ITPK1: variants seen among roughly 807,000 people sequenced by gnomAD.
ITPK1 encodes inositol 1,3,4-trisphosphate 5/6-kinase.
Under a neutral mutation model 45.3 loss-of-function variants are expected in ITPK1, and 21 were observed. The ratio of observed to expected loss-of-function variants is 0.46; its 90% CI spans 0.33 to 0.67. The LOEUF is 0.67. Ranked by LOEUF, ITPK1 falls within the 30% of genes least tolerant of loss-of-function variation. ITPK1 has a pLI of 0.02. For missense variants in ITPK1, 474 were observed against 573.5 expected (o/e 0.83, Z 1.77); for synonymous variants, 258 against 253.6 (o/e 1.02, Z -0.16).
chr14:93,106,719 G>A (rs554447090), intron 2 of ITPK1, among the ~76,000 whole-genome samples: 1 of 152,288 alleles, frequency 6.6e-6, no homozygotes, highest in South Asian at 2.1e-4. Flanking sequence ...TTCACCTCCT[G>A]CAGGTGTACA....
intron 2 of ITPK1, among the ~76,000 whole-genome samples, chr14:93,113,019 A>G (rs1203250196): frequency 1.3e-5 from 2 of 152,096 alleles, no homozygotes; most frequent in African/African-American, 4.8e-5. Context: ...AAAGTAATAA[A>G]TAAGAAACGG....
intron 3 of ITPK1, among the ~76,000 whole-genome samples, chr14:93,065,217 C>T (rs1309921883): frequency 6.6e-6 from 1 of 152,242 alleles, no homozygotes; most frequent in East Asian, 1.9e-4. Context: ...CCAAACCAAA[C>T]AGACATAACT....
At position 93,093,388 on chromosome 14, in the gene ITPK1, G is replaced by T. The variant is rs145717131; in HGVS notation, c.96-16769C>A. 1.5e-3 allele frequency among the ~76,000 whole-genome samples: 221 copies of T among 152,280 alleles called. 5 individuals carry two copies. In the East Asian group the frequency reaches 0.04, roughly 28 times the overall value. On this transcript the variant is annotated intron_variant, in intron 2 of 10. Transcript: ENST00000267615. ...GTCCTCAAGCCGCCCCTGGCGTGGG[G>T]TGATGTAGCCCTCCTCCCAGTCAGA...
rs1237870660 is a variant in ITPK1 at position 92,962,673 on chromosome 14, C to T, written c.463+78G>A. ...CGGGTGAGCTTAAATCCAGAGGGCACTATAAACCCAGCCCCTCCCCTATGC... is the reference window on the plus strand; with the variant it reads ...CGGGTGAGCTTAAATCCAGAGGGCATTATAAACCCAGCCCCTCCCCTATGC... On this transcript the variant is annotated intron_variant, in intron 6 of 10. Transcript: ENST00000267615. The T allele has an allele frequency of 7.1e-6, 8 of 1,132,982 alleles. No homozygotes were observed. In the East Asian group the frequency reaches 1.2e-4, roughly 17 times the overall value. The allele number at this position is 1,132,982 out of a possible 1,614,324, so 70.2% of individuals were successfully genotyped here.
intron 10 of ITPK1, among the ~76,000 whole-genome samples, chr14:92,943,232 C>T (rs956566101): frequency 3.3e-5 from 5 of 152,226 alleles, no homozygotes; most frequent in African/African-American, 1.2e-4. Flanking sequence ...TTAACCACCA[C>T]GGGGAGGGCA....
At chr14:93,079,718 C>G (rs1891365068) in intron 2 of ITPK1, among the ~76,000 whole-genome samples, 1 of 152,224 alleles carries the variant, frequency 6.6e-6, no homozygotes, top group African/African-American at 2.4e-5. Flanking sequence ...GCACCAACAA[C>G]CTCGATTCCC....
intron 3 of ITPK1, among the ~76,000 whole-genome samples, chr14:93,055,802 A>C (rs1035678793): frequency 2.0e-5 from 3 of 152,200 alleles, no homozygotes; most frequent in African/African-American, 7.2e-5. Flanking sequence ...CAGAGAGTAC[A>C]GGCTCTTGGA....
chr14:93,008,225 G>A (rs1043716409), intron 4 of ITPK1, among the ~76,000 whole-genome samples: 3 of 152,228 alleles, frequency 2.0e-5, no homozygotes, highest in Non-Finnish European at 4.4e-5. Context: ...AGGCCTCGGT[G>A]TGTTTCTTCC....
Position 93,032,281 on chromosome 14 carries a change from C to T in ITPK1, c.121-15480G>A, listed in dbSNP as rs1274824339. On this transcript the variant is annotated intron_variant, in intron 3 of 10. Transcript: ENST00000267615. The surrounding 1 kb of genome is among the most constrained non-coding windows in gnomAD (Gnocchi z 4.0). ...AGGAGAATCACTTGAACCCAGGAGG[C>T]GGAGGTTGCAGTGAGCCGAGATTAC... 6.6e-6 allele frequency among the ~76,000 whole-genome samples: 1 copy of T among 152,002 alleles called. No homozygotes were observed. Among genetic ancestry groups the T allele is most frequent in the Non-Finnish European group, 1.5e-5 (1 of 68,014 alleles).
In ITPK1 at chr14:93,034,278, C is replaced by A. The variant is rs1889213377; in HGVS notation, c.121-17477G>T. Among the ~76,000 whole-genome samples, 1 of 151,272 alleles carries A rather than the reference C, an allele frequency of 6.6e-6. No individual in the cohort carries two copies. The highest frequency in any genetic ancestry group is 2.4e-5 in the African/African-American group (1 of 41,124). ...ACCACCCACCCCCAACACTCCCCCA[C>A]CCCCTGTCGGAGCAGGAAGATGCTC... On this transcript the variant is annotated intron_variant, in intron 3 of 10. Transcript: ENST00000267615. This position sits in a 1 kb window ranked among gnomAD's most constrained non-coding sequence, Gnocchi z 4.1.
At chr14:93,066,291 CGT>C (rs1250204869) in intron 3 of ITPK1, 6 of 452,010 alleles carry the variant, frequency 1.3e-5, no homozygotes, top group Non-Finnish European at 2.2e-5. Flanking sequence ...GGTGTGCGTG[CGT>C]GTGTGCGCGT....
chr14:93,019,211 C>T (rs1432691170), intron 3 of ITPK1, among the ~76,000 whole-genome samples: 2 of 152,184 alleles, frequency 1.3e-5, no homozygotes, highest in African/African-American at 4.8e-5. Flanking sequence ...GCATCCGGGC[C>T]CACAGAACCC....
chr14:92,975,008 AGAGGGTAGGG>A (rs1885869469), intron 5 of ITPK1, among the ~76,000 whole-genome samples: 1 of 152,180 alleles, frequency 6.6e-6, no homozygotes, highest in African/African-American at 2.4e-5. Flanking sequence ...CACCATGAGG[AGAGGGTAGGG>A]AAGTGGCATC....
chr14:92,996,094 A>G (rs1039790204), intron 4 of ITPK1, among the ~76,000 whole-genome samples: 5 of 152,118 alleles, frequency 3.3e-5, no homozygotes, highest in African/African-American at 1.2e-4. Flanking sequence ...ACAGCCCAAC[A>G]TTAATAGCTG....
At chr14:92,959,051 C>T (rs564185627) in intron 7 of ITPK1, among the ~76,000 whole-genome samples, 86 of 152,326 alleles carry the variant, frequency 5.6e-4, no homozygotes, top group South Asian at 1.0e-3. Context: ...TGTGATACTC[C>T]GCAAACAACA....
intron 3 of ITPK1, among the ~76,000 whole-genome samples, chr14:93,046,602 G>GCGGCGGGGGGGC (rs1487357749): frequency 6.8e-6 from 1 of 146,302 alleles, no homozygotes. Context: ...GGCGGGGGGG[G>GCGGCGGGGGGGC]GCGGCGGGGG....
At chr14:93,113,195 T>C (rs1345857952) in intron 2 of ITPK1, among the ~76,000 whole-genome samples, 6 of 152,190 alleles carry the variant, frequency 3.9e-5, no homozygotes, top group Non-Finnish European at 8.8e-5. Context: ...AACTAGACTT[T>C]GAAGACAACA....
rs898774202 is a variant in ITPK1, at chr14:93,076,871, C to G, written c.96-252G>C. Among the ~76,000 whole-genome samples the G allele has an allele frequency of 7.9e-5, 12 of 152,144 alleles. No homozygotes were observed. The highest frequency in any genetic ancestry group is 2.7e-4 in the African/African-American group (11 of 41,434). On this transcript the variant is annotated intron_variant, in intron 2 of 10. Transcript: ENST00000267615. This position sits in a 1 kb window ranked among gnomAD's most constrained non-coding sequence, Gnocchi z 4.3. ...GAGTCCTCTGGAGGCCCCACGCCAGCCACCTCCCTCCACTCCTGGGCCGGG... is the reference window on the plus strand; with the variant it reads ...GAGTCCTCTGGAGGCCCCACGCCAGGCACCTCCCTCCACTCCTGGGCCGGG...
intron 2 of ITPK1, among the ~76,000 whole-genome samples, chr14:93,088,393 G>A (rs1364679952): frequency 6.9e-6 from 1 of 145,890 alleles, no homozygotes; most frequent in Non-Finnish European, 1.5e-5. Context: ...AGGCTAGAGT[G>A]CAGTGACACG....
Sources: allele counts gnomAD v4.1 joint callset (sites outside exome capture counted in the v4.1 genomes callset), GRCh38; gene constraint gnomAD v4.1.1; non-coding constraint Gnocchi (gnomAD v3.1); transcripts MANE v1.5; gene names NCBI Gene and HGNC (gene_info 2026-07-23, HGNC 2026-07-21).